Variants in MGAT4C observed in about 807,000 individuals in gnomAD.
The protein encoded by MGAT4C is alpha-1,3-mannosyl-glycoprotein 4-beta-N-acetylglucosaminyltransferase C.
In MGAT4C, 19 loss-of-function variants were observed where a neutral mutation model predicts 40.1. The observed-to-expected ratio is 0.47, with a 90% CI of 0.33 to 0.70. The LOEUF (loss-of-function observed/expected upper bound fraction) is 0.70, where lower values mean the gene tolerates loss of function less well. Among genes scored for constraint, MGAT4C ranks in the 30% least tolerant of loss-of-function variants. MGAT4C has a pLI of 0.02. For synonymous variants in MGAT4C, 181 were observed against 187.1 expected, an observed-to-expected ratio of 0.97 and a Z score of 0.27; for missense variants, 491 against 563.2, an observed-to-expected ratio of 0.87 and a Z score of 1.30.
intron 1 of MGAT4C, among the ~76,000 whole-genome samples, chr12:86,740,867 T>C (rs1951058408): frequency 6.6e-6 from 1 of 151,294 alleles, no homozygotes; most frequent in Non-Finnish European, 1.5e-5. Context: ...TTTCAACTTT[T>C]ATATACAGAG....
intron 2 of MGAT4C, among the ~76,000 whole-genome samples, chr12:86,506,600 C>A (rs1958476432): frequency 6.6e-6 from 1 of 152,146 alleles, no homozygotes; most frequent in South Asian, 2.1e-4. Flanking sequence ...GATGAAAAAC[C>A]TGTTTTTAAT....
At chr12:86,056,711 T>C (rs1008310622) in intron 1 of MGAT4C, among the ~76,000 whole-genome samples, 8 of 152,170 alleles carry the variant, frequency 5.3e-5, no homozygotes, top group Admixed American at 1.3e-4. Flanking sequence ...CATGTGTCTT[T>C]ATAGTAGCAT....
Position 85,973,777 on chromosome 12 carries a change from T to C in MGAT4C, c.*5512A>G, listed in dbSNP as rs1483519191. 1 of 150,880 alleles carries C rather than the reference T, an allele frequency of 6.6e-6. No individual in the cohort carries two copies. Among genetic ancestry groups the C allele is most frequent in the Admixed American group, 6.6e-5 (1 of 15,090 alleles). 9.3% of individuals were successfully genotyped at this position (150,880 alleles called of 1,614,324 possible). A position where few individuals can be genotyped will look rare whatever the true frequency, so the allele number is the denominator to read the frequency against. On this transcript the variant is annotated 3_prime_UTR_variant, in exon 5 of 5. Coordinates refer to ENST00000611864, the MANE Select transcript of MGAT4C (RefSeq NM_001351288.2). ...AAGAGACCGTCTAGACAGAGTGAAA[T>C]GAAAGCTGAAACAACAGTCAAATCA...
At chr12:86,533,107 AAC>A (rs1445269584) in intron 2 of MGAT4C, among the ~76,000 whole-genome samples, 46 of 152,166 alleles carry the variant, frequency 3.0e-4, no homozygotes, top group Non-Finnish European at 1.5e-5. Flanking sequence ...TCAGAATGTA[AAC>A]ACAGTTAATT....
At chr12:86,004,757 C>G (rs992503262) in intron 2 of MGAT4C, among the ~76,000 whole-genome samples, 9 of 152,102 alleles carry the variant, frequency 5.9e-5, no homozygotes, top group African/African-American at 1.9e-4. Flanking sequence ...CTTCCTTTTT[C>G]TCTTATTTAT....
chr12:86,092,864 T>G (rs1409796480), intron 1 of MGAT4C, among the ~76,000 whole-genome samples: 1 of 152,126 alleles, frequency 6.6e-6, no homozygotes, highest in Admixed American at 6.6e-5. Context: ...CCTCTTTTTT[T>G]TATTATTATA....
intron 1 of MGAT4C, among the ~76,000 whole-genome samples, chr12:86,823,960 G>A (rs1204562287): frequency 6.6e-6 from 1 of 151,346 alleles, no homozygotes; most frequent in Non-Finnish European, 1.5e-5. Flanking sequence ...TGCAACCACG[G>A]TTTGAACATA....
intron 2 of MGAT4C, among the ~76,000 whole-genome samples, chr12:86,010,620 G>A (rs1229422392): frequency 6.6e-6 from 1 of 152,184 alleles, no homozygotes; most frequent in African/African-American, 2.4e-5. Flanking sequence ...GGAGGTTGCA[G>A]TGAGCTGAGG....
chr12:86,044,649 C>G (rs1050668411), intron 2 of MGAT4C, among the ~76,000 whole-genome samples: 1 of 151,962 alleles, frequency 6.6e-6, no homozygotes, highest in African/African-American at 2.4e-5. Context: ...TAGCAGCAGC[C>G]GATCTGCTGG....
At chr12:86,770,402 T>C (rs978913978) in intron 1 of MGAT4C, among the ~76,000 whole-genome samples, 7 of 152,232 alleles carry the variant, frequency 4.6e-5, no homozygotes, top group Admixed American at 2.0e-4. Context: ...ATCTAATCAA[T>C]ACCATTCTGT....
intron 1 of MGAT4C, among the ~76,000 whole-genome samples, chr12:86,132,147 CTT>C (rs1270864222): frequency 2.0e-5 from 3 of 152,054 alleles, no homozygotes; most frequent in Non-Finnish European, 4.4e-5. Flanking sequence ...ACAAAAATCT[CTT>C]TGTCTTGAAA....
At chr12:86,274,324 G>A (rs1953018135) in intron 4 of MGAT4C, among the ~76,000 whole-genome samples, 1 of 151,944 alleles carries the variant, frequency 6.6e-6, no homozygotes, top group South Asian at 2.1e-4. Context: ...ATATCCAATC[G>A]ATATCACACT....
intron 2 of MGAT4C, among the ~76,000 whole-genome samples, chr12:86,718,566 A>G (rs1950687195): frequency 6.6e-6 from 1 of 152,024 alleles, no homozygotes. Context: ...TCTTTACTTG[A>G]TCTCTCTACA....
At chr12:86,224,704 T>C (rs1951011621) in intron 1 of MGAT4C, among the ~76,000 whole-genome samples, 1 of 152,180 alleles carries the variant, frequency 6.6e-6, no homozygotes, top group South Asian at 2.1e-4. Context: ...GAACAATCAC[T>C]GGGTTAATAA....
At chr12:86,515,584 C>T (rs999676683) in intron 2 of MGAT4C, among the ~76,000 whole-genome samples, 1 of 151,986 alleles carries the variant, frequency 6.6e-6, no homozygotes, top group Non-Finnish European at 1.5e-5. Context: ...AAATAAAATA[C>T]TTAGAAATAA....
chr12:86,771,323 G>A (rs1951631260), intron 1 of MGAT4C, among the ~76,000 whole-genome samples: 1 of 152,042 alleles, frequency 6.6e-6, no homozygotes, highest in Admixed American at 6.6e-5. Flanking sequence ...CTGAGAAGTG[G>A]GGTGCTACTA....
At chr12:86,762,559 T>A (rs1951426780) in intron 1 of MGAT4C, among the ~76,000 whole-genome samples, 1 of 152,168 alleles carries the variant, frequency 6.6e-6, no homozygotes, top group South Asian at 2.1e-4. Flanking sequence ...AGGGACAATT[T>A]CTCGCATCAT....
intron 1 of MGAT4C, among the ~76,000 whole-genome samples, chr12:86,191,788 G>GTGTGTGTGT (rs10526767): frequency 2.5e-4 from 33 of 132,410 alleles, no homozygotes; most frequent in South Asian, 7.9e-4. Flanking sequence ...GTGTGTGTGT[G>GTGTGTGTGT]GTGTTTTCAG....
chr12:86,598,857 C>A (rs1961647257), intron 2 of MGAT4C, among the ~76,000 whole-genome samples: 1 of 152,118 alleles, frequency 6.6e-6, no homozygotes, highest in Non-Finnish European at 1.5e-5. Flanking sequence ...CTGATATTCA[C>A]ATATATTCAC....
Sources: allele counts gnomAD v4.1 joint callset (sites outside exome capture counted in the v4.1 genomes callset), GRCh38; gene constraint gnomAD v4.1.1; transcripts MANE v1.5; gene names NCBI Gene and HGNC (gene_info 2026-07-23, HGNC 2026-07-21).